ANKS1B: variants seen among roughly 807,000 people sequenced by gnomAD.
ANKS1B encodes the protein ankyrin repeat and sterile alpha motif domain-containing protein 1B.
A neutral mutation model predicts 148.3 loss-of-function variants in ANKS1B; 36 were observed. That is an observed-to-expected ratio of 0.24 (90% confidence interval 0.19 to 0.32). The LOEUF (loss-of-function observed/expected upper bound fraction) is 0.32. ANKS1B is among the 10% of genes least tolerant of loss of function. ANKS1B has a pLI of 1.00. For missense variants in ANKS1B, 1,157 were observed against 1,542.6 expected, an observed-to-expected ratio of 0.75 and a Z score of 4.19; for synonymous variants, 542 against 560.8, an observed-to-expected ratio of 0.97 and a Z score of 0.47.
chr12:99,700,383 A>G (rs2054611403), intron 8 of ANKS1B, among the ~76,000 whole-genome samples: 1 of 152,170 alleles, frequency 6.6e-6, no homozygotes, highest in Non-Finnish European at 1.5e-5. Context: ...TCCAACTGCC[A>G]TCAATAGGAA....
intron 8 of ANKS1B, among the ~76,000 whole-genome samples, chr12:99,656,731 T>C (rs1341679862): frequency 2.6e-5 from 4 of 151,306 alleles, no homozygotes; most frequent in Non-Finnish European, 5.9e-5. Flanking sequence ...AAGAGCCTGC[T>C]GAATACTTAG....
chr12:99,084,937 C>A lies in ANKS1B; in HGVS notation c.2613G>T (p.Gln871His), dbSNP rs756721207. The change falls in exon 16 of 27, where the codon CAG becomes CAT. Residue 871 changes from glutamine (Q) to histidine (H), a missense_variant. By Grantham distance (24) the Gln-to-His change is conservative. Around this residue, in one of 6 missense-constraint regions of ANKS1B, gnomAD observed 258 missense variants for 497.0 expected, o/e 0.52. Coordinates refer to ENST00000683438, the MANE Select transcript of ANKS1B (RefSeq NM_001352186.2). The stretch of plus-strand genomic sequence containing the variant: ...AAGTATTGCTCACCTTTGGAAGGAG[C>A]TGGATTGCCTGTAGAATTCTTTGTC... ...GHRQRILQAI[Q>H]LLPKMRPIGH... The A allele has an allele frequency of 1.2e-6, 2 of 1,608,964 alleles. No homozygotes were observed. The highest frequency in any genetic ancestry group is 1.7e-5 in the Admixed American group (1 of 59,446).
At chr12:99,888,414 T>TA (rs1443689871) in intron 1 of ANKS1B, among the ~76,000 whole-genome samples, 16 of 152,124 alleles carry the variant, frequency 1.1e-4, no homozygotes, top group Admixed American at 2.0e-4. Context: ...TTGCCCTAGG[T>TA]AATAAATCAA....
intron 10 of ANKS1B, among the ~76,000 whole-genome samples, chr12:99,466,144 C>T (rs1183131867): frequency 6.6e-6 from 1 of 152,206 alleles, no homozygotes; most frequent in Non-Finnish European, 1.5e-5. Context: ...TCACTCAAAA[C>T]CACTCAACTA....
chr12:98,756,791 G>A (rs145863749), intron 25 of ANKS1B, among the ~76,000 whole-genome samples: 6,940 of 148,270 alleles, frequency 0.047, 206 homozygotes, highest in African/African-American at 0.088. Flanking sequence ...ACAATGGCGC[G>A]ATCTTGGCTC....
chr12:98,810,020 C>T (rs940180794), intron 19 of ANKS1B, among the ~76,000 whole-genome samples: 6 of 152,184 alleles, frequency 3.9e-5, no homozygotes, highest in Admixed American at 2.0e-4. Flanking sequence ...AAACTATGTT[C>T]CAACTGCCAC....
intron 9 of ANKS1B, chr12:99,649,565 G>C: frequency 1.7e-6 from 1 of 585,298 alleles, no homozygotes. Flanking sequence ...GCAGACTCAG[G>C]AGAGAAACAC....
intron 12 of ANKS1B, among the ~76,000 whole-genome samples, chr12:99,254,265 G>A (rs2074996796): frequency 6.6e-6 from 1 of 152,206 alleles, no homozygotes; most frequent in Non-Finnish European, 1.5e-5. Flanking sequence ...CACTAAATTA[G>A]TAGTTATCAA....
At chr12:98,957,596 T>C (rs2099864636) in intron 17 of ANKS1B, among the ~76,000 whole-genome samples, 1 of 152,076 alleles carries the variant, frequency 6.6e-6, no homozygotes. Context: ...TCCACCTGCC[T>C]GAGCCTCCCA....
chr12:99,239,187 G>A (rs1284679812), intron 14 of ANKS1B, among the ~76,000 whole-genome samples: 2 of 152,154 alleles, frequency 1.3e-5, no homozygotes, highest in East Asian at 3.9e-4. Flanking sequence ...TTAGACAAAT[G>A]GCTAACTAGA....
intron 1 of ANKS1B, among the ~76,000 whole-genome samples, chr12:99,902,398 C>G (rs1248663402): frequency 6.6e-6 from 1 of 152,166 alleles, no homozygotes; most frequent in African/African-American, 2.4e-5. Flanking sequence ...TAAACAGAAG[C>G]CAGACTGTGC....
At chr12:98,877,067 C>G (rs2099693019) in intron 17 of ANKS1B, among the ~76,000 whole-genome samples, 1 of 152,264 alleles carries the variant, frequency 6.6e-6, no homozygotes, top group East Asian at 1.9e-4. Context: ...AGCAACACAG[C>G]CAATCTAATG....
intron 17 of ANKS1B, among the ~76,000 whole-genome samples, chr12:98,886,709 G>T (rs1193154351): frequency 1.3e-5 from 2 of 151,922 alleles, no homozygotes; most frequent in African/African-American, 2.4e-5. Flanking sequence ...TGGGATAAAG[G>T]CAGAAAAAAA....
intron 1 of ANKS1B, among the ~76,000 whole-genome samples, chr12:99,982,077 T>A (rs574121365): frequency 1.3e-5 from 2 of 152,152 alleles, no homozygotes; most frequent in Non-Finnish European, 2.9e-5. Context: ...ATAAGATGGA[T>A]AAAAGCAAGT....
chr12:99,628,580 C>A (rs2098130612), intron 9 of ANKS1B, among the ~76,000 whole-genome samples: 2 of 152,250 alleles, frequency 1.3e-5, no homozygotes, highest in South Asian at 4.1e-4. Context: ...TCCAAATAGA[C>A]CCTTATTGCC....
At chr12:99,916,687 A>G (rs1382071975) in intron 1 of ANKS1B, among the ~76,000 whole-genome samples, 1 of 152,142 alleles carries the variant, frequency 6.6e-6, no homozygotes, top group East Asian at 1.9e-4. Flanking sequence ...TGGAATAACA[A>G]TTTGTGCCAC....
chr12:99,429,360 A>G lies in ANKS1B; in HGVS notation c.1575+14313T>C, dbSNP rs541092770. Among the ~76,000 whole-genome samples the G allele has an allele frequency of 2.6e-5, 4 of 152,348 alleles. No homozygotes were observed. In the East Asian group the frequency reaches 7.7e-4, roughly 29 times the overall value. Reference sequence around the variant, plus strand: ...AGATACATACCCTGAATCTAATTATAAGGAAATATCAGACAATCCAAATTG... The same window carrying G: ...AGATACATACCCTGAATCTAATTATGAGGAAATATCAGACAATCCAAATTG... On this transcript the variant is annotated intron_variant, in intron 11 of 26. Transcript: ENST00000683438.
intron 8 of ANKS1B, among the ~76,000 whole-genome samples, chr12:99,761,393 A>T (rs185343522): frequency 5.3e-4 from 80 of 152,206 alleles, no homozygotes; most frequent in African/African-American, 1.9e-3. Flanking sequence ...GATTAAACAT[A>T]TACAAACCAA....
intron 10 of ANKS1B, among the ~76,000 whole-genome samples, chr12:99,463,825 G>A (rs1567151972): frequency 6.6e-6 from 1 of 152,248 alleles, no homozygotes; most frequent in Non-Finnish European, 1.5e-5. Context: ...AGCTCAAGGA[G>A]GCCTGCCTGC....
Sources: gnomAD v4.1 joint callset for allele counts (sites outside exome capture counted in the v4.1 genomes callset) on GRCh38, gnomAD v4.1.1 for gene constraint, gnomAD v4.1.1 regional missense constraint, MANE v1.5 for transcripts, NCBI Gene and HGNC (gene_info 2026-07-23, HGNC 2026-07-21) for gene names.